Variants in CFAP57 observed in about 807,000 individuals in gnomAD.
The protein encoded by CFAP57 is cilia and flagella associated protein 57, also known as cilia- and flagella-associated protein 57.
CFAP57 carries 116 observed loss-of-function variants against 146.8 expected under a neutral mutation model. The observed-to-expected ratio is 0.79, with a 90% CI of 0.68 to 0.92. CFAP57 has a LOEUF of 0.92. CFAP57 is among the 40% of genes least tolerant of loss of function. The pLI is 0.00. For synonymous variants in CFAP57, 518 were observed against 552.8 expected (o/e 0.94, Z 0.88); for missense variants, 1,377 against 1,527.2 (o/e 0.90, Z 1.64).
chr1:43,175,205 C>T (rs967884742), intron 2 of CFAP57, among the ~76,000 whole-genome samples: 1 of 152,062 alleles, frequency 6.6e-6, no homozygotes, highest in Admixed American at 6.5e-5. Context: ...TTAATATCTT[C>T]TCTGTCTATG....
At chr1:43,246,043 A>C (rs906817109) in intron 22 of CFAP57, among the ~76,000 whole-genome samples, 33 of 152,358 alleles carry the variant, frequency 2.2e-4, no homozygotes, top group African/African-American at 7.9e-4. Context: ...TTGCTGAAAG[A>C]AATTAAATAC....
Position 43,222,240 on chromosome 1 carries a change from A to T in CFAP57, c.2477A>T (p.Glu826Val). 2.0e-6 allele frequency: 3 copies of T among 1,491,966 alleles called. No individual in the cohort carries two copies. The highest frequency in any genetic ancestry group is 2.7e-6 in the Non-Finnish European group (3 of 1,118,032). 92.4% of individuals were successfully genotyped at this position (1,491,966 alleles called of 1,614,324 possible). A position where few individuals can be genotyped will look rare whatever the true frequency, so the allele number is the denominator to read the frequency against. The change falls in exon 15 of 23, where the codon GAG becomes GTG. Residue 826 changes from glutamate to valine, a missense_variant. By Grantham distance (121) the Glu-to-Val change is moderately radical. Coordinates refer to ENST00000372492, the MANE Select transcript of CFAP57 (RefSeq NM_001378189.1). ...GAGACCAAGAGCCAGGCCCTGGAGG[A>T]GCTGACTGAGTTTTACGAGGCAAAA... ...NDETKSQALE[E>V]LTEFYEAKLQ...
intron 3 of CFAP57, among the ~76,000 whole-genome samples, chr1:43,182,602 G>T (rs1172941532): frequency 6.6e-6 from 1 of 152,224 alleles, no homozygotes; most frequent in Non-Finnish European, 1.5e-5. Flanking sequence ...CCTAGTAATA[G>T]AGAAGTTGAG....
Position 43,248,410 on chromosome 1 carries a change from C to T in CFAP57, c.3538+5051C>T, listed in dbSNP as rs1389711343. Among the ~76,000 whole-genome samples the T allele has an allele frequency of 8.6e-5, 13 of 151,126 alleles. No individual in the cohort carries two copies. In the South Asian group the frequency reaches 1.0e-3, roughly 12 times the overall value. On this transcript the variant is annotated intron_variant, in intron 22 of 22. Transcript: ENST00000372492. ...TCGGCTCACTGCAAGCCCTGCCTCC[C>T]GGGTTGACACCATTCTCCTGCCTCA... is the stretch of plus-strand genomic sequence containing the variant.
chr1:43,209,773 ACCTACAC>A lies in CFAP57; in HGVS notation c.1788_1794del (p.Tyr597ProfsTer10). On this transcript the variant is annotated frameshift_variant, in exon 11 of 23. Transcript: ENST00000372492. LOFTEE classifies it high-confidence loss of function. ...TCGAGAGATATCGGCGTTTGATGTCACCTACACCGCCATTGTCATCTCGCATTCTGGA... is the reference window on the plus strand; with the variant it reads ...TCGAGAGATATCGGCGTTTGATGTCACGCCATTGTCATCTCGCATTCTGGA... The A allele has an allele frequency of 1.2e-6, 2 of 1,614,040 alleles. No homozygotes were observed. The highest frequency in any genetic ancestry group is 2.2e-5 in the South Asian group (2 of 91,072).
Position 43,172,449 on chromosome 1 carries a change from G to A in CFAP57, c.-24G>A. ...GTGGTCTGCTGACCCAGAGAGAAACGAAAGGTGGGAGGGGGTACCTGGGGG... is the reference window on the plus strand; with the variant it reads ...GTGGTCTGCTGACCCAGAGAGAAACAAAAGGTGGGAGGGGGTACCTGGGGG... On this transcript the variant is annotated 5_prime_UTR_variant, in exon 1 of 23. Coordinates refer to ENST00000372492, the MANE Select transcript of CFAP57 (RefSeq NM_001378189.1). 6.5e-7 allele frequency: 1 copy of A among 1,547,868 alleles called. No individual in the cohort carries two copies. The highest frequency in any genetic ancestry group is 1.4e-5 in the African/African-American group (1 of 72,896).
chr1:43,222,493 A>G (rs1006321716), intron 15 of CFAP57, among the ~76,000 whole-genome samples, 198 bp downstream of exon 15: 3 of 152,230 alleles, frequency 2.0e-5, no homozygotes, highest in Non-Finnish European at 2.9e-5. Context: ...TATGACTGTC[A>G]CAAGTTCTGT....
At chr1:43,245,080 C>T (rs888996963) in intron 22 of CFAP57, among the ~76,000 whole-genome samples, 3 of 152,094 alleles carry the variant, frequency 2.0e-5, no homozygotes, top group South Asian at 2.1e-4. Context: ...GAGGCCAAGG[C>T]GAGCGGAACG....
rs1403757762 is a variant in CFAP57 at position 43,183,849 on chromosome 1, A to T, written c.733A>T (p.Ser245Cys). The change falls in exon 4 of 23, where the codon AGC (serine) becomes TGC (cysteine). Residue 245 changes from serine to cysteine, a missense_variant. By Grantham distance (112) the Ser-to-Cys change is moderately radical. Transcript: ENST00000372492. ...MVKEPTNGSK[S>C]LDVIQESESL... ...CAAGGAACCTACCAATGGCTCAAAG[A>T]GCCTGGATGTCATTCAGGAATCAGA... The T allele has an allele frequency of 6.2e-7, 1 of 1,614,168 alleles. No individual in the cohort carries two copies. Among genetic ancestry groups the T allele is most frequent in the East Asian group, 2.2e-5 (1 of 44,880 alleles).
At chr1:43,182,042 G>T (rs1022581953) in intron 3 of CFAP57, among the ~76,000 whole-genome samples, 192 bp downstream of exon 3, 9 of 152,316 alleles carry the variant, frequency 5.9e-5, no homozygotes, top group Middle Eastern at 3.4e-3. Flanking sequence ...AAGAGGTTAA[G>T]TAACTCACTC....
intron 3 of CFAP57, 131 bp downstream of exon 3, chr1:43,181,981 A>T: frequency 9.6e-7 from 1 of 1,039,268 alleles, no homozygotes; most frequent in Non-Finnish European, 1.4e-6. Flanking sequence ...CAACCGTATA[A>T]GGTATGCACA....
chr1:43,214,958 T>C (rs1269119858), intron 11 of CFAP57, among the ~76,000 whole-genome samples: 3 of 152,256 alleles, frequency 2.0e-5, no homozygotes, highest in Non-Finnish European at 2.9e-5. Flanking sequence ...TTGTCTACTT[T>C]CTGATTGGAT....
chr1:43,216,580 C>T (rs1010490890), intron 12 of CFAP57, among the ~76,000 whole-genome samples: 3 of 152,184 alleles, frequency 2.0e-5, no homozygotes, highest in African/African-American at 7.2e-5. Context: ...ATGGGCCTGA[C>T]AGTACCGCTG....
intron 22 of CFAP57, among the ~76,000 whole-genome samples, chr1:43,251,349 A>C (rs1557842903): frequency 6.6e-6 from 1 of 152,206 alleles, no homozygotes; most frequent in African/African-American, 2.4e-5. Context: ...CAGGGAAGAA[A>C]TATTACATGG....
intron 6 of CFAP57, among the ~76,000 whole-genome samples, chr1:43,189,215 T>C (rs1290610359): frequency 6.6e-6 from 1 of 152,226 alleles, no homozygotes; most frequent in Non-Finnish European, 1.5e-5. Context: ...AAGATTGTTT[T>C]GGGTAGTCTG....
chr1:43,242,388 A>C (rs903317036), intron 21 of CFAP57, among the ~76,000 whole-genome samples: 4 of 152,252 alleles, frequency 2.6e-5, no homozygotes, highest in Non-Finnish European at 4.4e-5. Flanking sequence ...TTAACATAGT[A>C]TCTCCATAAT....
At position 43,183,999 on chromosome 1, in the gene CFAP57, T is replaced by G. The variant is rs543146285; in HGVS notation, c.761+122T>G. 4.4e-5 allele frequency: 51 copies of G among 1,157,786 alleles called. No individual in the cohort carries two copies. The African/African-American group carries it at 7.4e-4, about 17-fold the overall frequency. 71.7% of individuals were successfully genotyped at this position (1,157,786 alleles called of 1,614,324 possible). A position where few individuals can be genotyped will look rare whatever the true frequency, so the allele number is the denominator to read the frequency against. ...CCGTAAAAGTCAACTATGCCCATTTTCCCTCTTCCTCTCTAGTTTTCGTCT... is the reference window on the plus strand; with the variant it reads ...CCGTAAAAGTCAACTATGCCCATTTGCCCTCTTCCTCTCTAGTTTTCGTCT... On this transcript the variant is annotated intron_variant, in intron 4 of 22. Coordinates refer to ENST00000372492, the MANE Select transcript of CFAP57 (RefSeq NM_001378189.1).
At chr1:43,224,411 A>G (rs528573131) in intron 17 of CFAP57, among the ~76,000 whole-genome samples, 2 of 152,314 alleles carry the variant, frequency 1.3e-5, no homozygotes, top group African/African-American at 4.8e-5. Flanking sequence ...CCAACAACCC[A>G]GGGGGCCTGA....
At chr1:43,243,859 A>C (rs1000829504) in intron 22 of CFAP57, among the ~76,000 whole-genome samples, 4 of 152,240 alleles carry the variant, frequency 2.6e-5, no homozygotes, top group Non-Finnish European at 5.9e-5. Flanking sequence ...AGGGGAAATA[A>C]TTACATAAAT....
Sources: gnomAD v4.1 joint callset for allele counts (sites outside exome capture counted in the v4.1 genomes callset) on GRCh38, gnomAD v4.1.1 for gene constraint, MANE v1.5 for transcripts, NCBI Gene and HGNC (gene_info 2026-07-23, HGNC 2026-07-21) for gene names.